Variants in SORCS1 observed in about 807,000 individuals in gnomAD.
SORCS1 encodes the protein VPS10 domain-containing receptor SorCS1.
In SORCS1, 60 loss-of-function variants were observed where a neutral mutation model predicts 146.1. That is an observed-to-expected ratio of 0.41 (90% confidence interval 0.33 to 0.51). The LOEUF (loss-of-function observed/expected upper bound fraction) is 0.51. Among genes scored for constraint, SORCS1 ranks in the 20% least tolerant of loss-of-function variants. The pLI is 0.21. For synonymous variants in SORCS1, 637 were observed against 584.0 expected, an observed-to-expected ratio of 1.09 and a Z score of -1.31; for missense variants, 1,352 against 1,487.6, an observed-to-expected ratio of 0.91 and a Z score of 1.50.
chr10:107,066,758 A>T (rs967607746), intron 1 of SORCS1, among the ~76,000 whole-genome samples: 6 of 152,200 alleles, frequency 3.9e-5, no homozygotes, highest in Non-Finnish European at 8.8e-5. Context: ...GAGAGCTATA[A>T]AAGGAGGGAG....
At chr10:106,709,485 G>C in intron 6 of SORCS1, 144 bp from the exon 7 acceptor site, 1 of 415,864 alleles carries the variant, frequency 2.4e-6, no homozygotes, top group Non-Finnish European at 4.1e-6. Context: ...GTCTCGCTCT[G>C]TCGCCCAGGC....
At position 107,164,493 on chromosome 10, in the gene SORCS1, C is replaced by G. The variant is rs1969961272; in HGVS notation, c.34G>C (p.Ala12Pro). Residue 12 changes from alanine to proline, a missense_variant, in exon 1 of 26, where the codon GCC (alanine) becomes CCC (proline). Coordinates refer to ENST00000263054, the MANE Select transcript of SORCS1 (RefSeq NM_052918.5). This position sits in a 1 kb window ranked among gnomAD's most constrained non-coding sequence, Gnocchi z 6.8. ...GKVGAGGGSQ[A>P]RLSALLAGAG... ...CCGGCGAGGAGCGCGCTCAGCCGGG[C>G]TTGGGAGCCGCCGCCGGCGCCAACT... 1 of 1,352,242 alleles carries G rather than the reference C, an allele frequency of 7.4e-7. No homozygotes were observed. Among genetic ancestry groups the G allele is most frequent in the African/African-American group, 1.5e-5 (1 of 64,850 alleles). 83.8% of individuals were successfully genotyped at this position (1,352,242 alleles called of 1,614,324 possible).
At chr10:107,061,043 T>A (rs1367326244) in intron 1 of SORCS1, among the ~76,000 whole-genome samples, 1 of 152,126 alleles carries the variant, frequency 6.6e-6, no homozygotes, top group East Asian at 1.9e-4. Flanking sequence ...CTGACAAGTA[T>A]AAGAGCTATG....
At chr10:107,019,940 C>A (rs1031273321) in intron 1 of SORCS1, among the ~76,000 whole-genome samples, 6 of 152,178 alleles carry the variant, frequency 3.9e-5, no homozygotes, top group Non-Finnish European at 8.8e-5. Context: ...AAGGAAGGAA[C>A]AATCACTGTG....
chr10:106,795,830 A>C (rs1217116517), intron 3 of SORCS1, among the ~76,000 whole-genome samples: 3 of 152,192 alleles, frequency 2.0e-5, no homozygotes, highest in Non-Finnish European at 4.4e-5. Context: ...CCGTGGAATG[A>C]GATACGGGGT....
chr10:106,605,740 G>A (rs1262809362), intron 23 of SORCS1, among the ~76,000 whole-genome samples: 1 of 152,178 alleles, frequency 6.6e-6, no homozygotes, highest in Admixed American at 6.5e-5. Flanking sequence ...ACTTCACTAG[G>A]AAATGGGGTT....
intron 2 of SORCS1, among the ~76,000 whole-genome samples, chr10:106,891,504 C>CTGTTTTTTTTTTTTTTTTTTTTTTTTT (rs1951231158): frequency 3.1e-5 from 3 of 97,260 alleles, no homozygotes; most frequent in African/African-American, 1.1e-4. Flanking sequence ...AATGGGAATT[C>CTGTTTTTTTTTTTTTTTTTTTTTTTTT]TTTTTTTTTT....
chr10:106,798,441 C>A (rs539779091), intron 3 of SORCS1, among the ~76,000 whole-genome samples: 1 of 136,584 alleles, frequency 7.3e-6, no homozygotes, highest in Non-Finnish European at 1.6e-5. Context: ...TTCCTCCCTC[C>A]CCCCACCCAC....
chr10:107,016,424 G>A (rs1364667587), intron 1 of SORCS1, among the ~76,000 whole-genome samples: 1 of 152,162 alleles, frequency 6.6e-6, no homozygotes, highest in African/African-American at 2.4e-5. Flanking sequence ...AGAATCACTT[G>A]AAGCTGGGAG....
At chr10:106,755,644 C>T (rs1322284484) in intron 5 of SORCS1, among the ~76,000 whole-genome samples, 1 of 151,896 alleles carries the variant, frequency 6.6e-6, no homozygotes, top group African/African-American at 2.4e-5. Flanking sequence ...TTTCCTCCAA[C>T]CTTGAACCAT....
chr10:107,161,424 C>T (rs559689089), intron 1 of SORCS1, among the ~76,000 whole-genome samples: 9 of 152,106 alleles, frequency 5.9e-5, no homozygotes, highest in Non-Finnish European at 8.8e-5. Flanking sequence ...ATCTGGCCCT[C>T]GGGTTTAAAT....
Position 107,105,971 on chromosome 10 carries a change from G to C in SORCS1, c.558+57998C>G, listed in dbSNP as rs772730477. ...CCACATGAGAAGGGTGCAAAGAAGG[G>C]AGAGAAGCATAAAAAATAGTCCAGG... is the stretch of plus-strand genomic sequence containing the variant. On this transcript the variant is annotated intron_variant, in intron 1 of 25. Transcript: ENST00000263054. 2.6e-5 allele frequency among the ~76,000 whole-genome samples: 4 copies of C among 152,318 alleles called. No individual in the cohort carries two copies. In the South Asian group the frequency reaches 8.3e-4, roughly 32 times the overall value.
At chr10:106,589,301 T>C (rs895199271) in intron 24 of SORCS1, among the ~76,000 whole-genome samples, 2 of 152,198 alleles carry the variant, frequency 1.3e-5, no homozygotes, top group African/African-American at 4.8e-5. Flanking sequence ...CTCTTTTTAC[T>C]TTCTATTCTC....
At chr10:106,641,733 T>C (rs1181431934) in intron 18 of SORCS1, among the ~76,000 whole-genome samples, 1 of 152,168 alleles carries the variant, frequency 6.6e-6, no homozygotes, top group Non-Finnish European at 1.5e-5. Flanking sequence ...AAGATATGTA[T>C]AGTTTACTGG....
At chr10:106,791,300 G>A (rs1946308385) in intron 3 of SORCS1, among the ~76,000 whole-genome samples, 1 of 152,082 alleles carries the variant, frequency 6.6e-6, no homozygotes, top group Non-Finnish European at 1.5e-5. Flanking sequence ...TATTTACCAG[G>A]TTTCCAATTT....
At chr10:106,824,650 A>C (rs1246733160) in intron 3 of SORCS1, among the ~76,000 whole-genome samples, 1 of 152,100 alleles carries the variant, frequency 6.6e-6, no homozygotes, top group Non-Finnish European at 1.5e-5. Flanking sequence ...TGACAAGAGG[A>C]ATTAAGCATG....
intron 2 of SORCS1, among the ~76,000 whole-genome samples, chr10:106,928,731 C>G (rs1953221277): frequency 6.6e-6 from 1 of 152,082 alleles, no homozygotes; most frequent in Non-Finnish European, 1.5e-5. Flanking sequence ...CAGAGGTGTC[C>G]TATTCTCCCG....
At chr10:106,636,310 C>T (rs886931925) in intron 18 of SORCS1, among the ~76,000 whole-genome samples, 2 of 152,092 alleles carry the variant, frequency 1.3e-5, no homozygotes, top group Admixed American at 1.3e-4. Flanking sequence ...ACAAGATCCC[C>T]TGGGTGGTCA....
At chr10:106,599,620 C>A (rs967342617) in intron 23 of SORCS1, among the ~76,000 whole-genome samples, 10 of 151,630 alleles carry the variant, frequency 6.6e-5, no homozygotes, top group African/African-American at 2.4e-4. Context: ...ATTTTTTATT[C>A]AAATATGAAA....
Sources: gnomAD v4.1 joint callset for allele counts (sites outside exome capture counted in the v4.1 genomes callset) on GRCh38, gnomAD v4.1.1 for gene constraint, Gnocchi (gnomAD v3.1) non-coding constraint, MANE v1.5 for transcripts, NCBI Gene and HGNC (gene_info 2026-07-23, HGNC 2026-07-21) for gene names.